The following FGF14 variants were observed in gnomAD, a reference collection of about 807,000 sequenced individuals.
FGF14 encodes fibroblast growth factor 14, also known as fibroblast growth factor homologous factor 4.
Under a neutral mutation model 25.5 loss-of-function variants are expected in FGF14, and 5 were observed. The ratio of observed to expected loss-of-function variants is 0.20; its 90% CI spans 0.10 to 0.41. The LOEUF is 0.41. Among genes scored for constraint, FGF14 ranks in the 10% least tolerant of loss-of-function variants. The pLI, the probability that FGF14 is intolerant of heterozygous loss-of-function variation, is 1.00. For missense variants in FGF14, 222 were observed against 320.1 expected (o/e 0.69, Z 2.34); for synonymous variants, 138 against 118.3 (o/e 1.17, Z -1.08).
chr13:101,907,909 G>A (rs1227110837), intron 1 of FGF14, among the ~76,000 whole-genome samples: 2 of 152,038 alleles, frequency 1.3e-5, no homozygotes, highest in South Asian at 2.1e-4. Context: ...TACAGCACTA[G>A]GAGTTTATCC....
chr13:102,387,353 T>TA (rs2058328601), intron 1 of FGF14, among the ~76,000 whole-genome samples: 2 of 152,208 alleles, frequency 1.3e-5, no homozygotes, highest in East Asian at 3.9e-4. Flanking sequence ...GTTGTGCTTT[T>TA]AGCCAACTGT....
intron 3 of FGF14, among the ~76,000 whole-genome samples, chr13:101,800,497 G>A (rs150475247): frequency 3.6e-4 from 55 of 152,242 alleles, no homozygotes; most frequent in African/African-American, 1.1e-3. Flanking sequence ...CTGTTTGCAC[G>A]AATCTAAAAA....
intron 3 of FGF14, among the ~76,000 whole-genome samples, chr13:101,814,275 T>C (rs1365016018): frequency 6.6e-6 from 1 of 152,184 alleles, no homozygotes; most frequent in Non-Finnish European, 1.5e-5. Flanking sequence ...TAAGAAACCT[T>C]GTCCAAAGAA....
chr13:102,095,774 T>C (rs1052857965), intron 1 of FGF14, among the ~76,000 whole-genome samples: 21 of 152,098 alleles, frequency 1.4e-4, no homozygotes, highest in African/African-American at 5.1e-4. Flanking sequence ...CTATCTTACC[T>C]TACAGTAAGA....
intron 1 of FGF14, among the ~76,000 whole-genome samples, chr13:101,915,225 A>T (rs1223195417): frequency 6.6e-6 from 1 of 152,200 alleles, no homozygotes; most frequent in African/African-American, 2.4e-5. Context: ...TAAAATATTC[A>T]GCATTAGCCT....
chr13:102,052,071 T>C (rs1331961307), intron 1 of FGF14, among the ~76,000 whole-genome samples: 1 of 152,148 alleles, frequency 6.6e-6, no homozygotes, highest in Non-Finnish European at 1.5e-5. Flanking sequence ...ATTTTAAAAA[T>C]TAATCCAATT....
intron 3 of FGF14, among the ~76,000 whole-genome samples, chr13:101,839,532 T>C (rs1209395407): frequency 6.6e-6 from 1 of 151,972 alleles, no homozygotes; most frequent in Non-Finnish European, 1.5e-5. Context: ...TATTTTTTGA[T>C]TTGTAATTTT....
At chr13:101,850,326 C>T (rs1171129785) in intron 3 of FGF14, among the ~76,000 whole-genome samples, 1 of 143,328 alleles carries the variant, frequency 7.0e-6, no homozygotes, top group Admixed American at 7.0e-5. Context: ...TAGTGGCAGG[C>T]GCCTGTTGTC....
At chr13:101,999,604 A>G (rs1323786016) in intron 1 of FGF14, among the ~76,000 whole-genome samples, 1 of 152,194 alleles carries the variant, frequency 6.6e-6, no homozygotes, top group Non-Finnish European at 1.5e-5. Flanking sequence ...TGAATTCCAC[A>G]TTTCTCAGCT....
chr13:101,743,914 C>T (rs886230070), intron 3 of FGF14, among the ~76,000 whole-genome samples: 12 of 152,090 alleles, frequency 7.9e-5, no homozygotes, highest in African/African-American at 2.9e-4. Flanking sequence ...AGTATTTAAC[C>T]TCAAAATTGT....
At chr13:101,844,602 T>C (rs2043353594) in intron 3 of FGF14, among the ~76,000 whole-genome samples, 1 of 152,034 alleles carries the variant, frequency 6.6e-6, no homozygotes, top group Non-Finnish European at 1.5e-5. Context: ...TTTTATAATA[T>C]ATGATACTCT....
chr13:102,097,248 C>T (rs2044444865), intron 1 of FGF14, among the ~76,000 whole-genome samples: 1 of 152,150 alleles, frequency 6.6e-6, no homozygotes, highest in Admixed American at 6.5e-5. Context: ...GCCTCCTATT[C>T]TAAAATGACT....
intron 1 of FGF14, among the ~76,000 whole-genome samples, chr13:102,236,869 A>G (rs2051351635): frequency 6.6e-6 from 1 of 152,184 alleles, no homozygotes; most frequent in Non-Finnish European, 1.5e-5. Flanking sequence ...CGAAGTGAGA[A>G]AGGCCCAGAG....
intron 3 of FGF14, among the ~76,000 whole-genome samples, chr13:101,802,736 G>A (rs550106972): frequency 3.3e-5 from 5 of 152,334 alleles, no homozygotes; most frequent in Admixed American, 2.0e-4. Context: ...GCACTTTGCT[G>A]TTTGCATGAT....
chr13:102,024,391 T>C (rs1366375110), intron 1 of FGF14, among the ~76,000 whole-genome samples: 2 of 152,090 alleles, frequency 1.3e-5, no homozygotes, highest in Non-Finnish European at 2.9e-5. Flanking sequence ...TGAGCAGTTT[T>C]CTTGTGTTTA....
intron 1 of FGF14, among the ~76,000 whole-genome samples, chr13:102,204,399 AACC>A (rs765008081): frequency 4.0e-4 from 61 of 152,266 alleles, no homozygotes; most frequent in Admixed American, 8.5e-4. Context: ...CACCCACTGT[AACC>A]ACACCTCTCT....
At chr13:101,737,975 T>C (rs1274269336) in intron 3 of FGF14, among the ~76,000 whole-genome samples, 1 of 152,098 alleles carries the variant, frequency 6.6e-6, no homozygotes, top group Non-Finnish European at 1.5e-5. Context: ...AAAGCTTTCA[T>C]AGAAAAATGG....
At chr13:102,150,116 G>T (rs1271024538) in intron 1 of FGF14, among the ~76,000 whole-genome samples, 1 of 152,132 alleles carries the variant, frequency 6.6e-6, no homozygotes, top group Non-Finnish European at 1.5e-5. Context: ...AGGGAACTGA[G>T]AAATTTTTCT....
intron 1 of FGF14, among the ~76,000 whole-genome samples, chr13:102,377,901 C>T (rs1007711599): frequency 6.6e-6 from 1 of 152,150 alleles, no homozygotes; most frequent in African/African-American, 2.4e-5. Flanking sequence ...TGTCTATAGC[C>T]AGTCTCACTG....
Sources: allele counts gnomAD v4.1 joint callset (sites outside exome capture counted in the v4.1 genomes callset), GRCh38; gene constraint gnomAD v4.1.1; transcripts MANE v1.5; gene names NCBI Gene and HGNC (gene_info 2026-07-23, HGNC 2026-07-21).